Variants in KCNN2 observed in about 807,000 individuals in gnomAD.
The protein encoded by KCNN2 is small conductance calcium-activated potassium channel protein 2.
In KCNN2, 24 loss-of-function variants were observed where a neutral mutation model predicts 55.5. That is an observed-to-expected ratio of 0.43 (90% confidence interval 0.31 to 0.61). KCNN2 has a LOEUF of 0.61. KCNN2 is among the 20% of genes least tolerant of loss of function. The pLI is 0.08. For missense variants in KCNN2, 754 were observed against 853.6 expected (o/e 0.88, Z 1.45); for synonymous variants, 431 against 336.1 (o/e 1.28, Z -3.09).
intron 3 of KCNN2, among the ~76,000 whole-genome samples, chr5:114,453,453 T>C (rs991778351): frequency 1.3e-5 from 2 of 152,244 alleles, no homozygotes; most frequent in South Asian, 2.1e-4. Flanking sequence ...ATTCCTGGTA[T>C]TTAAAAATTT....
intron 3 of KCNN2, among the ~76,000 whole-genome samples, chr5:114,443,125 T>C (rs1406454496): frequency 6.6e-6 from 1 of 151,934 alleles, no homozygotes; most frequent in Non-Finnish European, 1.5e-5. Flanking sequence ...ACCCTGTCTT[T>C]GCTAAAAATA....
intron 1 of KCNN2, among the ~76,000 whole-genome samples, chr5:114,109,479 G>A (rs1206039939): frequency 1.3e-5 from 2 of 152,044 alleles, no homozygotes; most frequent in African/African-American, 4.8e-5. Context: ...GATAATTGGG[G>A]CCATCTTAGA....
At chr5:114,439,062 T>C (rs1197502731) in intron 3 of KCNN2, among the ~76,000 whole-genome samples, 1 of 152,192 alleles carries the variant, frequency 6.6e-6, no homozygotes, top group African/African-American at 2.4e-5. Flanking sequence ...CATAAAAAAA[T>C]CTGAAATTTC....
chr5:114,078,504 C>T (rs77710577), intron 1 of KCNN2, among the ~76,000 whole-genome samples: 3 of 152,188 alleles, frequency 2.0e-5, no homozygotes, highest in Non-Finnish European at 2.9e-5. Context: ...CCCTCACGCT[C>T]TGAGCCCTGA....
intron 1 of KCNN2, among the ~76,000 whole-genome samples, chr5:114,208,629 C>G (rs1422775163): frequency 1.3e-5 from 2 of 152,118 alleles, no homozygotes; most frequent in Non-Finnish European, 2.9e-5. Context: ...ATCAGAATCT[C>G]TGGGGTGAAG....
chr5:114,471,424 A>G (rs943327111), intron 4 of KCNN2, among the ~76,000 whole-genome samples: 3 of 152,234 alleles, frequency 2.0e-5, no homozygotes, highest in South Asian at 2.1e-4. Flanking sequence ...TATAATGTTC[A>G]GTACAGGTGC....
chr5:114,278,123 A>G (rs2150011504), intron 2 of KCNN2, among the ~76,000 whole-genome samples: 1 of 152,196 alleles, frequency 6.6e-6, no homozygotes, highest in East Asian at 1.9e-4. Context: ...TGTCTGTTGG[A>G]GTTTGCTGCA....
rs538621613 is a variant in KCNN2 at position 114,402,235 on chromosome 5, G to T, written c.1219-2203G>T. ...GAAGCAGGAATGACAGGACAAATGA[G>T]ATAAAAATTAAGATGGGAGGATCAG... is the stretch of plus-strand genomic sequence containing the variant. On this transcript the variant is annotated intron_variant, in intron 2 of 7. Transcript: ENST00000673685. 2.6e-5 allele frequency among the ~76,000 whole-genome samples: 4 copies of T among 152,276 alleles called. No individual in the cohort carries two copies. In the East Asian group the frequency reaches 7.7e-4, roughly 29 times the overall value.
At chr5:114,139,553 GAATA>G (rs1752234989) in intron 1 of KCNN2, among the ~76,000 whole-genome samples, 1 of 149,340 alleles carries the variant, frequency 6.7e-6, no homozygotes, top group African/African-American at 2.5e-5. Context: ...TATAGTGGCT[GAATA>G]GATATTATAA....
chr5:114,081,304 A>G (rs893612733), intron 1 of KCNN2, among the ~76,000 whole-genome samples: 2 of 152,172 alleles, frequency 1.3e-5, no homozygotes, highest in Non-Finnish European at 2.9e-5. Context: ...TAAAATTTAT[A>G]TGGAATCTCA....
chr5:114,301,016 A>G (rs1756144432), intron 2 of KCNN2, among the ~76,000 whole-genome samples: 2 of 151,060 alleles, frequency 1.3e-5, no homozygotes, highest in South Asian at 4.2e-4. Flanking sequence ...TTTTTTGGAA[A>G]ATCTTTTCCG....
At chr5:114,153,814 G>A (rs906384792) in intron 1 of KCNN2, among the ~76,000 whole-genome samples, 14 of 152,168 alleles carry the variant, frequency 9.2e-5, no homozygotes, top group African/African-American at 2.7e-4. Context: ...TTCTCCAAAC[G>A]ATCTCCAGGA....
At chr5:114,199,727 C>T (rs1474506402) in intron 1 of KCNN2, among the ~76,000 whole-genome samples, 1 of 151,970 alleles carries the variant, frequency 6.6e-6, no homozygotes, top group Non-Finnish European at 1.5e-5. Context: ...CCAGCATTTT[C>T]TTGTCTGGGA....
At chr5:114,350,029 C>A (rs922042890) in intron 2 of KCNN2, among the ~76,000 whole-genome samples, 4 of 151,934 alleles carry the variant, frequency 2.6e-5, no homozygotes, top group Non-Finnish European at 5.9e-5. Flanking sequence ...TTCATGTGCC[C>A]ATTGACCATT....
At chr5:114,246,404 G>A (rs1008110722) in intron 2 of KCNN2, among the ~76,000 whole-genome samples, 7 of 152,120 alleles carry the variant, frequency 4.6e-5, no homozygotes, top group Non-Finnish European at 7.4e-5. Flanking sequence ...TAAACAATGC[G>A]TAGGTCATTT....
chr5:114,473,086 A>G lies in KCNN2; in HGVS notation c.1812A>G (p.Val604=). ...GAGCTALVVA[V]VARKLELTKA... is the part of the protein sequence containing the mutation. ...GTTGCACAGCCCTGGTGGTAGCTGT[A>G]GTGGCAAGGAAGCTAGAACTTACCA... The change falls in exon 5 of 8, where the codon GTA becomes GTG. Residue 604 remains valine, a synonymous_variant. Coordinates refer to ENST00000673685, the MANE Select transcript of KCNN2 (RefSeq NM_021614.4). 6.2e-7 allele frequency: 1 copy of G among 1,612,320 alleles called. No individual in the cohort carries two copies. Among genetic ancestry groups the G allele is most frequent in the African/African-American group, 1.3e-5 (1 of 75,034 alleles).
chr5:114,098,271 G>A (rs1274343049), intron 1 of KCNN2, among the ~76,000 whole-genome samples: 2 of 152,028 alleles, frequency 1.3e-5, no homozygotes, highest in Admixed American at 6.6e-5. Context: ...CCATGTAAGG[G>A]AACATTCACA....
chr5:114,269,494 CTTTTT>C (rs67045907), intron 2 of KCNN2, among the ~76,000 whole-genome samples: 1 of 144,168 alleles, frequency 6.9e-6, no homozygotes, highest in Admixed American at 6.9e-5. Flanking sequence ...TGGTTCTCAC[CTTTTT>C]TTTTTTTTTT....
At chr5:114,444,690 G>A (rs756543591) in intron 3 of KCNN2, among the ~76,000 whole-genome samples, 10 of 152,134 alleles carry the variant, frequency 6.6e-5, no homozygotes, top group Non-Finnish European at 1.5e-4. Context: ...CTTAACAGAC[G>A]AAAGGAATAT....
Sources: gnomAD v4.1 joint callset for allele counts (sites outside exome capture counted in the v4.1 genomes callset) on GRCh38, gnomAD v4.1.1 for gene constraint, MANE v1.5 for transcripts, NCBI Gene and HGNC (gene_info 2026-07-23, HGNC 2026-07-21) for gene names.